Variants in SHOC2 observed in about 807,000 individuals in gnomAD.
SHOC2 encodes the protein SHOC2 leucine rich repeat scaffold protein.
Under a neutral mutation model 50.2 loss-of-function variants are expected in SHOC2, and 4 were observed. The ratio of observed to expected loss-of-function variants is 0.08; its 90% confidence interval spans 0.04 to 0.18. The LOEUF (loss-of-function observed/expected upper bound fraction) is 0.18. SHOC2 is among the 10% of genes least tolerant of loss of function. The probability of loss-of-function intolerance (pLI) is 1.00; values close to 1 mark genes in which losing one functional copy is unlikely to be tolerated. For missense variants in SHOC2, 388 were observed against 669.6 expected, an observed-to-expected ratio of 0.58 and a Z score of 4.64; for synonymous variants, 218 against 244.5, an observed-to-expected ratio of 0.89 and a Z score of 1.01.
chr10:110,960,402 G>A (rs1847549362), intron 1 of SHOC2, among the ~76,000 whole-genome samples: 1 of 152,166 alleles, frequency 6.6e-6, no homozygotes, highest in Non-Finnish European at 1.5e-5. Flanking sequence ...CCGTCATATA[G>A]TCATGATTTG....
chr10:110,932,156 G>A (rs1393965510), intron 1 of SHOC2, among the ~76,000 whole-genome samples: 1 of 152,178 alleles, frequency 6.6e-6, no homozygotes, highest in Non-Finnish European at 1.5e-5. Context: ...CTTGAGACAG[G>A]AGATAGAAGA....
chr10:110,950,371 TGAA>T (rs772529762), intron 1 of SHOC2, among the ~76,000 whole-genome samples: 7 of 152,102 alleles, frequency 4.6e-5, no homozygotes, highest in Non-Finnish European at 7.4e-5. Context: ...TGAAAGAAAT[TGAA>T]GAAGACACAT....
At chr10:110,936,346 G>GC (rs1847010505) in intron 1 of SHOC2, among the ~76,000 whole-genome samples, 1 of 151,424 alleles carries the variant, frequency 6.6e-6, no homozygotes, top group South Asian at 2.1e-4. Context: ...CAGGTGATCC[G>GC]CCTGCCTTGG....
intron 3 of SHOC2, chr10:110,986,022 G>A: frequency 2.7e-6 from 1 of 371,756 alleles, no homozygotes; most frequent in Non-Finnish European, 5.0e-6. Context: ...TTCTGTCATA[G>A]TTTGAATTGC....
intron 1 of SHOC2, among the ~76,000 whole-genome samples, chr10:110,923,426 C>T (rs1846694395): frequency 1.3e-5 from 2 of 152,030 alleles, no homozygotes; most frequent in South Asian, 2.1e-4. Context: ...CCCCGGGTCT[C>T]AACTTTTTAA....
intron 2 of SHOC2, among the ~76,000 whole-genome samples, chr10:110,977,647 T>C (rs1847901869): frequency 6.6e-6 from 1 of 152,258 alleles, no homozygotes; most frequent in Non-Finnish European, 1.5e-5. Flanking sequence ...GACTTTGTTC[T>C]GGCATACAGT....
At chr10:110,960,304 C>A (rs1185116975) in intron 1 of SHOC2, among the ~76,000 whole-genome samples, 1 of 152,204 alleles carries the variant, frequency 6.6e-6, no homozygotes, top group African/African-American at 2.4e-5. Context: ...TGCAAAGCCT[C>A]AATATTTAAA....
chr10:110,954,339 T>C (rs1847415985), intron 1 of SHOC2, among the ~76,000 whole-genome samples: 1 of 152,292 alleles, frequency 6.6e-6, no homozygotes, highest in East Asian at 1.9e-4. Flanking sequence ...ATATTGACTA[T>C]GGAATCAGAA....
intron 1 of SHOC2, among the ~76,000 whole-genome samples, chr10:110,950,615 T>G (rs1213360431): frequency 6.6e-6 from 1 of 152,136 alleles, no homozygotes; most frequent in Non-Finnish European, 1.5e-5. Flanking sequence ...CCATAATTGT[T>G]CAAAATATAC....
chr10:111,005,803 C>T (rs112559295), intron 5 of SHOC2, among the ~76,000 whole-genome samples: 1 of 152,200 alleles, frequency 6.6e-6, no homozygotes, highest in Non-Finnish European at 1.5e-5. Flanking sequence ...GAATTGGCCA[C>T]ATAGCTGATA....
chr10:110,997,625 AG>A (rs1234071258), intron 3 of SHOC2, among the ~76,000 whole-genome samples: 2 of 152,196 alleles, frequency 1.3e-5, no homozygotes, highest in Non-Finnish European at 2.9e-5. Flanking sequence ...TGCAGAATAT[AG>A]ACATACTACA....
intron 3 of SHOC2, chr10:110,988,795 A>G (rs1333834970): frequency 2.8e-6 from 1 of 360,564 alleles, no homozygotes; most frequent in Non-Finnish European, 5.3e-6. Context: ...TTATTCTCAT[A>G]AAGACAGTTA....
intron 4 of SHOC2, among the ~76,000 whole-genome samples, chr10:111,000,759 A>G (rs187255970): frequency 9.9e-5 from 15 of 152,278 alleles, no homozygotes; most frequent in Admixed American, 7.8e-4. Context: ...TATTTTTTTA[A>G]TGTAAAGAAA....
intron 1 of SHOC2, among the ~76,000 whole-genome samples, chr10:110,935,055 A>G (rs967678902): frequency 6.6e-6 from 1 of 152,196 alleles, no homozygotes; most frequent in Non-Finnish European, 1.5e-5. Context: ...ATATATATGT[A>G]TATATTTTAA....
At chr10:110,988,271 T>C (rs1025888162) in intron 3 of SHOC2, among the ~76,000 whole-genome samples, 1 of 152,118 alleles carries the variant, frequency 6.6e-6, no homozygotes, top group Admixed American at 6.5e-5. Context: ...TTGTATGAAA[T>C]TGCATTATTT....
At chr10:110,988,804 T>A (rs1233701332) in intron 3 of SHOC2, 6 of 401,900 alleles carry the variant, frequency 1.5e-5, no homozygotes, top group Non-Finnish European at 2.9e-5. Context: ...TAAAGACAGT[T>A]AGCACTGTAA....
At chr10:110,984,149 C>T (rs964792588) in intron 2 of SHOC2, among the ~76,000 whole-genome samples, 8 of 152,232 alleles carry the variant, frequency 5.3e-5, no homozygotes, top group African/African-American at 1.9e-4. Flanking sequence ...GATTTCTCCA[C>T]ATCCTCACTA....
chr10:110,995,118 A>C (rs370814963), intron 3 of SHOC2, among the ~76,000 whole-genome samples: 1 of 152,222 alleles, frequency 6.6e-6, no homozygotes, highest in African/African-American at 2.4e-5. Flanking sequence ...AAGGAGGATA[A>C]ATAATGAAAT....
At chr10:110,969,955 A>G (rs1847748281) in intron 2 of SHOC2, among the ~76,000 whole-genome samples, 1 of 152,248 alleles carries the variant, frequency 6.6e-6, no homozygotes, top group South Asian at 2.1e-4. Flanking sequence ...ATGTTTCCAT[A>G]CATGTATACA....
Sources: allele counts gnomAD v4.1 joint callset (sites outside exome capture counted in the v4.1 genomes callset), GRCh38; gene constraint gnomAD v4.1.1; transcripts MANE v1.5; gene names NCBI Gene and HGNC (gene_info 2026-07-23, HGNC 2026-07-21).